CACNA1C: variants seen among roughly 807,000 people sequenced by gnomAD.
CACNA1C encodes the protein calcium voltage-gated channel subunit alpha1 C.
CACNA1C carries 30 observed loss-of-function variants against 229.0 expected under a neutral mutation model. The observed-to-expected ratio is 0.13, with a 90% CI of 0.10 to 0.18. CACNA1C has a LOEUF of 0.18. CACNA1C is among the 10% of genes least tolerant of loss of function. The probability of loss-of-function intolerance (pLI) is 1.00; values close to 1 mark genes in which losing one functional copy is unlikely to be tolerated. For missense variants in CACNA1C, 1,658 were observed against 2,845.0 expected (o/e 0.58, Z 9.49); for synonymous variants, 1,114 against 1,132.5 (o/e 0.98, Z 0.33).
intron 3 of CACNA1C, among the ~76,000 whole-genome samples, chr12:2,438,347 A>ATGGTGGTGGTAATGATGG (rs1298627216): frequency 9.8e-4 from 102 of 104,442 alleles, no homozygotes; most frequent in Non-Finnish European, 1.8e-3. Context: ...GATAATGATG[A>ATGGTGGTGGTAATGATGG]TGGTGGTGGT....
chr12:2,455,813 G>A (rs868277106), intron 4 of CACNA1C, among the ~76,000 whole-genome samples: 3 of 152,142 alleles, frequency 2.0e-5, no homozygotes, highest in Non-Finnish European at 2.9e-5. Context: ...TTCTCTCCAT[G>A]TCCCTGCTCT....
intron 3 of CACNA1C, among the ~76,000 whole-genome samples, chr12:2,322,430 T>A (rs1466271496): frequency 6.6e-6 from 1 of 152,204 alleles, no homozygotes; most frequent in Non-Finnish European, 1.5e-5. Flanking sequence ...AGACTCCCAA[T>A]GGCCACCAGT....
At chr12:1,994,286 T>TGCTA (rs909478885) in intron 1 of CACNA1C, among the ~76,000 whole-genome samples, 2 of 152,206 alleles carry the variant, frequency 1.3e-5, no homozygotes, top group African/African-American at 4.8e-5. Flanking sequence ...TAAATGAGGG[T>TGCTA]GCTAGGGCTG....
At chr12:2,464,022 AG>A (rs1397710513) in intron 5 of CACNA1C, among the ~76,000 whole-genome samples, 1 of 152,136 alleles carries the variant, frequency 6.6e-6, no homozygotes, top group Non-Finnish European at 1.5e-5. Flanking sequence ...GCAGTAAGCA[AG>A]GGGTCGTTTC....
At chr12:1,970,909 T>C in exon 1 of CACNA1C, 1 of 327,384 alleles carries the variant, frequency 3.1e-6, no homozygotes, top group Non-Finnish European at 5.9e-6. Context: ...TAACTTAAAC[T>C]TGCAGCGATA....
chr12:2,083,933 A>G (rs530398243), intron 1 of CACNA1C, among the ~76,000 whole-genome samples: 1 of 152,354 alleles, frequency 6.6e-6, no homozygotes, highest in Middle Eastern at 3.4e-3. Context: ...AACAAGTGGA[A>G]TCATGACTAA....
At chr12:2,232,399 A>G (rs1213092628) in intron 3 of CACNA1C, among the ~76,000 whole-genome samples, 1 of 152,032 alleles carries the variant, frequency 6.6e-6, no homozygotes, top group Non-Finnish European at 1.5e-5. Flanking sequence ...CTAAATGCAT[A>G]CTTCTGAATA....
At chr12:2,556,263 TC>T (rs1307768044) in intron 10 of CACNA1C, among the ~76,000 whole-genome samples, 1 of 152,164 alleles carries the variant, frequency 6.6e-6, no homozygotes, top group Non-Finnish European at 1.5e-5. Context: ...CCTCAGGACT[TC>T]CTTGAAGGTT....
intron 3 of CACNA1C, among the ~76,000 whole-genome samples, chr12:2,258,269 T>C (rs973879397): frequency 1.3e-5 from 2 of 152,270 alleles, no homozygotes; most frequent in African/African-American, 4.8e-5. Flanking sequence ...ATGAGAGTTA[T>C]GTAATAATTC....
At chr12:2,344,112 C>T (rs1398933176) in intron 3 of CACNA1C, among the ~76,000 whole-genome samples, 2 of 152,124 alleles carry the variant, frequency 1.3e-5, no homozygotes, top group African/African-American at 2.4e-5. Flanking sequence ...CAAAGACTTC[C>T]GGCAGTTGAG....
rs114801529 is a variant in CACNA1C at position 2,611,163 on chromosome 12, A to G, written c.3717+464A>G. 2.8e-3 allele frequency among the ~76,000 whole-genome samples: 386 copies of G among 138,258 alleles called. 2 individuals are homozygous for G. The highest frequency in any genetic ancestry group is 0.01 in the African/African-American group (370 of 36,166). 90.7% of individuals were successfully genotyped at this position (138,258 alleles called of 152,430 possible). A position where few individuals can be genotyped will look rare whatever the true frequency, so the allele number is the denominator to read the frequency against. ...GGATGCGTTCGTTTTTGGTTGATCA[A>G]TGGGGAGAGGGGAGGAGATGGAGAA... is the stretch of plus-strand genomic sequence containing the variant. On this transcript the variant is annotated intron_variant, in intron 28 of 46. Transcript: ENST00000399655.
At chr12:2,064,101 C>T (rs1055239336) in intron 1 of CACNA1C, among the ~76,000 whole-genome samples, 17 of 152,260 alleles carry the variant, frequency 1.1e-4, no homozygotes, top group African/African-American at 4.1e-4. Flanking sequence ...GTTTCACAAT[C>T]TGACAGCTGC....
chr12:2,278,409 G>A (rs1435413572), intron 3 of CACNA1C, among the ~76,000 whole-genome samples: 1 of 152,128 alleles, frequency 6.6e-6, no homozygotes, highest in Non-Finnish European at 1.5e-5. Flanking sequence ...AATCCCAGTA[G>A]CTCAGCCCTC....
At chr12:2,055,828 A>G (rs2054502138) in intron 1 of CACNA1C, among the ~76,000 whole-genome samples, 1 of 152,052 alleles carries the variant, frequency 6.6e-6, no homozygotes, top group South Asian at 2.1e-4. Context: ...TCTACTCTCC[A>G]TCTTCTCTTC....
intron 3 of CACNA1C, among the ~76,000 whole-genome samples, chr12:2,398,285 C>T (rs576288406): frequency 6.6e-6 from 1 of 152,218 alleles, no homozygotes; most frequent in African/African-American, 2.4e-5. Flanking sequence ...CTTTGAGCTA[C>T]CAGGCCAAGA....
At chr12:2,251,606 A>C (rs2075637477) in intron 3 of CACNA1C, among the ~76,000 whole-genome samples, 1 of 152,210 alleles carries the variant, frequency 6.6e-6, no homozygotes, top group Admixed American at 6.5e-5. Flanking sequence ...AACCAAACCC[A>C]GCCCCGGGCC....
rs575708531 is a variant in CACNA1C, at chr12:2,400,577, A to G, written c.478-48399A>G. Among the ~76,000 whole-genome samples the G allele has an allele frequency of 3.0e-3, 456 of 152,308 alleles. 3 individuals carry two copies. Among genetic ancestry groups the G allele is most frequent in the African/African-American group, 0.01 (433 of 41,558 alleles). On this transcript the variant is annotated intron_variant, in intron 3 of 46. Transcript: ENST00000399655. ...ACAGGGCTGCTACGAATACAGAACG[A>G]GATAATGCAAATAACGTGCTTAGCA...
At position 2,211,917 on chromosome 12, in the gene CACNA1C, C is replaced by T. The variant is rs188157140; in HGVS notation, c.477+91487C>T. ...TGTATTTTTAGTAGAGATGGGGTTTCACCATGTTGGCCAGGCTGGTCTTGA... is the reference window on the plus strand; with the variant it reads ...TGTATTTTTAGTAGAGATGGGGTTTTACCATGTTGGCCAGGCTGGTCTTGA... On this transcript the variant is annotated intron_variant, in intron 3 of 46. Transcript: ENST00000399655. 3.4e-3 allele frequency among the ~76,000 whole-genome samples: 522 copies of T among 152,040 alleles called. 2 individuals carry two copies. The highest frequency in any genetic ancestry group is 0.012 in the African/African-American group (491 of 41,476).
At chr12:2,009,656 A>G (rs2044047455) in intron 1 of CACNA1C, among the ~76,000 whole-genome samples, 1 of 152,144 alleles carries the variant, frequency 6.6e-6, no homozygotes, top group East Asian at 1.9e-4. Flanking sequence ...TTTTTTTGCT[A>G]GGAATTTTAT....
Sources: gnomAD v4.1 joint callset for allele counts (sites outside exome capture counted in the v4.1 genomes callset) on GRCh38, gnomAD v4.1.1 for gene constraint, MANE v1.5 for transcripts, NCBI Gene and HGNC (gene_info 2026-07-23, HGNC 2026-07-21) for gene names.